Variants in SNAPC3 observed in about 807,000 individuals in gnomAD.
SNAPC3 encodes the protein snRNA-activating protein complex subunit 3.
SNAPC3 carries 56 observed loss-of-function variants against 47.7 expected under a neutral mutation model. The observed-to-expected ratio is 1.18, with a 90% confidence interval of 0.95 to 1.47. SNAPC3 has a LOEUF of 1.47. Ranked by LOEUF, SNAPC3 falls within the 40% of genes most tolerant of loss-of-function variation. The pLI is 0.00. For synonymous variants in SNAPC3, 235 were observed against 189.9 expected (o/e 1.24, Z -1.95); for missense variants, 665 against 511.3 (o/e 1.30, Z -2.90).
Position 15,457,960 on chromosome 9 carries a change from G to T in SNAPC3, c.981G>T (p.Arg327Ser). 1 of 1,561,826 alleles carries T rather than the reference G, an allele frequency of 6.4e-7. No individual in the cohort carries two copies. Among genetic ancestry groups the T allele is most frequent in the Non-Finnish European group, 8.7e-7 (1 of 1,152,630 alleles). The change falls in exon 8 of 9, where the codon AGG (arginine) becomes AGT (serine). Residue 327 changes from arginine (R) to serine (S), a missense_variant and splice_region_variant. Physicochemically the swap from Arg to Ser is moderately radical, Grantham distance 110. Coordinates refer to ENST00000380821, the MANE Select transcript of SNAPC3 (RefSeq NM_001039697.2). ...ATCTTTATTTTCCCACGAACAAAAG[G>T]CTTGTGCATCATGATGACTGCTTGG... ...CEHVIVITDI[R>S]LVHHDDCLDR...
At chr9:15,450,645 C>T (rs1176766099) in intron 5 of SNAPC3, among the ~76,000 whole-genome samples, 1 of 152,184 alleles carries the variant, frequency 6.6e-6, no homozygotes, top group Admixed American at 6.5e-5. Context: ...GAGTGCTTCT[C>T]AACTCTGGTT....
intron 2 of SNAPC3, among the ~76,000 whole-genome samples, chr9:15,426,195 C>G (rs2031371497): frequency 6.6e-6 from 1 of 152,108 alleles, no homozygotes; most frequent in Non-Finnish European, 1.5e-5. Context: ...CTGCAGTGTT[C>G]CAGCCACACT....
chr9:15,455,884 ATTTT>A (rs1287752485), intron 7 of SNAPC3, among the ~76,000 whole-genome samples: 1 of 145,106 alleles, frequency 6.9e-6, no homozygotes, highest in Non-Finnish European at 1.5e-5. Flanking sequence ...TTATTTATTT[ATTTT>A]TTTGAGACCG....
chr9:15,456,628 T>A (rs1434532413), intron 7 of SNAPC3, among the ~76,000 whole-genome samples: 1 of 152,072 alleles, frequency 6.6e-6, no homozygotes, highest in Non-Finnish European at 1.5e-5. Context: ...CCACCATGCC[T>A]GGCCAATTTT....
intron 2 of SNAPC3, 25 bp downstream of exon 2, chr9:15,424,011 C>G: frequency 1.5e-6 from 2 of 1,334,130 alleles, no homozygotes; most frequent in Non-Finnish European, 2.1e-6. Context: ...GTTTTTATGA[C>G]CTATTTATTT....
intron 3 of SNAPC3, among the ~76,000 whole-genome samples, chr9:15,434,772 C>A (rs2032588204): frequency 6.6e-6 from 1 of 152,140 alleles, no homozygotes; most frequent in Non-Finnish European, 1.5e-5. Context: ...ATTAGAACTT[C>A]CTTCCTTTTT....
chr9:15,445,525 A>G (rs1563848987), intron 4 of SNAPC3, among the ~76,000 whole-genome samples: 1 of 151,994 alleles, frequency 6.6e-6, no homozygotes, highest in South Asian at 2.1e-4. Context: ...TGATTCCTTA[A>G]ATAGATGTGT....
At chr9:15,459,159 C>G (rs1820351951) in intron 8 of SNAPC3, among the ~76,000 whole-genome samples, 1 of 152,140 alleles carries the variant, frequency 6.6e-6, no homozygotes, top group Non-Finnish European at 1.5e-5. Flanking sequence ...TTCAAACATA[C>G]CATACAATAG....
chr9:15,445,853 T>C (rs936323670), intron 4 of SNAPC3, among the ~76,000 whole-genome samples: 3 of 152,126 alleles, frequency 2.0e-5, no homozygotes, highest in Non-Finnish European at 4.4e-5. Flanking sequence ...GGAGGATTGC[T>C]TGAGCCCGGG....
At chr9:15,436,857 CTT>C (rs2032859081) in intron 3 of SNAPC3, among the ~76,000 whole-genome samples, 1 of 107,558 alleles carries the variant, frequency 9.3e-6, no homozygotes, top group Non-Finnish European at 1.8e-5. Flanking sequence ...AAGTTTTGCT[CTT>C]GTTGCCCAGG....
At chr9:15,425,264 G>A (rs144336128) in intron 2 of SNAPC3, among the ~76,000 whole-genome samples, 1 of 152,268 alleles carries the variant, frequency 6.6e-6, no homozygotes, top group African/African-American at 2.4e-5. Flanking sequence ...TGTTGCCCAG[G>A]CTGGAGTGCA....
chr9:15,441,416 T>C (rs1372980000), intron 3 of SNAPC3, among the ~76,000 whole-genome samples: 9 of 146,586 alleles, frequency 6.1e-5, no homozygotes, highest in African/African-American at 2.3e-4. Flanking sequence ...TTAGTATTTA[T>C]TGATCATTCT....
At chr9:15,439,807 T>A (rs746547620) in intron 3 of SNAPC3, among the ~76,000 whole-genome samples, 1 of 152,204 alleles carries the variant, frequency 6.6e-6, no homozygotes, top group Non-Finnish European at 1.5e-5. Context: ...GTGCTGAGAT[T>A]ACAGGTGTGA....
intron 3 of SNAPC3, among the ~76,000 whole-genome samples, chr9:15,440,678 G>C (rs1479387372): frequency 6.6e-6 from 1 of 152,238 alleles, no homozygotes; most frequent in East Asian, 1.9e-4. Context: ...GGCCGGGCGC[G>C]GTGGCTCACG....
intron 4 of SNAPC3, 28 bp from the exon 5 acceptor site, chr9:15,447,067 G>A: frequency 6.2e-7 from 1 of 1,601,560 alleles, no homozygotes. Context: ...GTCTCTAAAT[G>A]AACACTTATT....
intron 8 of SNAPC3, among the ~76,000 whole-genome samples, chr9:15,458,974 C>A (rs1349134773): frequency 6.6e-6 from 1 of 152,102 alleles, no homozygotes; most frequent in African/African-American, 2.4e-5. Flanking sequence ...AAAAAATCTG[C>A]AATTTGAAAT....
intron 3 of SNAPC3, among the ~76,000 whole-genome samples, chr9:15,440,800 T>C (rs993740237): frequency 1.3e-5 from 2 of 151,726 alleles, no homozygotes; most frequent in Non-Finnish European, 2.9e-5. Flanking sequence ...ATACAAAAAA[T>C]TAGCTGGGCG....
intron 3 of SNAPC3, among the ~76,000 whole-genome samples, chr9:15,436,886 C>T (rs1411282145): frequency 4.2e-5 from 6 of 142,738 alleles, no homozygotes; most frequent in Non-Finnish European, 7.5e-5. Context: ...TGCAATGGTG[C>T]GATCTTGGCT....
At position 15,457,986 on chromosome 9, in the gene SNAPC3, A is replaced by T. The variant is rs1031292595; in HGVS notation, c.1007A>T (p.Asp336Val). 6.3e-7 allele frequency: 1 copy of T among 1,591,668 alleles called. No homozygotes were observed. The highest frequency in any genetic ancestry group is 8.5e-7 in the Non-Finnish European group (1 of 1,172,712). ...CTTGTGCATCATGATGACTGCTTGG[A>T]TAGGACATTGTATCCCCTCCTTATC... is the stretch of plus-strand genomic sequence containing the variant. ...IRLVHHDDCLDRTLYPLLIKK... is the reference protein window; with the variant it reads ...IRLVHHDDCLVRTLYPLLIKK... Residue 336 changes from aspartate to valine, a missense_variant, in exon 8 of 9, where the codon GAT becomes GTT. Asp to Val is a radical substitution (Grantham distance 152). Coordinates refer to ENST00000380821, the MANE Select transcript of SNAPC3 (RefSeq NM_001039697.2).
Sources: allele counts gnomAD v4.1 joint callset (sites outside exome capture counted in the v4.1 genomes callset), GRCh38; gene constraint gnomAD v4.1.1; transcripts MANE v1.5; gene names NCBI Gene and HGNC (gene_info 2026-07-23, HGNC 2026-07-21).